The following TNN variants were observed in gnomAD, a reference collection of about 807,000 sequenced individuals.
The protein encoded by TNN is tenascin N, also known as tenascin-N.
Under a neutral mutation model 134.4 loss-of-function variants are expected in TNN, and 122 were observed. That is an observed-to-expected ratio of 0.91 (90% CI 0.78 to 1.06). The LOEUF (loss-of-function observed/expected upper bound fraction) is 1.06, where lower values mean the gene tolerates loss of function less well. Ranked by LOEUF, TNN falls within the 50% of genes least tolerant of loss-of-function variation. The pLI, the probability that TNN is intolerant of heterozygous loss-of-function variation, is 0.00. For synonymous variants in TNN, 710 were observed against 670.3 expected, an observed-to-expected ratio of 1.06 and a Z score of -0.91; for missense variants, 1,739 against 1,699.4, an observed-to-expected ratio of 1.02 and a Z score of -0.41.
intron 17 of TNN, among the ~76,000 whole-genome samples, chr1:175,138,582 G>T (rs1322559924): frequency 1.3e-4 from 20 of 151,998 alleles, no homozygotes; most frequent in Admixed American, 1.2e-3. Flanking sequence ...AGTATGCAAA[G>T]AATTATTTCA....
rs190728792 is a variant in TNN, at chr1:175,135,117, G to T, written c.3331-728G>T. 1.2e-3 allele frequency among the ~76,000 whole-genome samples: 190 copies of T among 152,280 alleles called. 1 individual carries two copies. The highest frequency in any genetic ancestry group is 4.4e-3 in the African/African-American group (183 of 41,550). On this transcript the variant is annotated intron_variant, in intron 15 of 18. Coordinates refer to ENST00000239462, the MANE Select transcript of TNN (RefSeq NM_022093.2). The stretch of plus-strand genomic sequence containing the variant: ...CCTGCAGCTCAGCCATGTCCTGGGG[G>T]TGGTTTCTTGGCTCCTTGGTCAGGT...
At chr1:175,095,600 G>A (rs1012960586) in intron 7 of TNN, among the ~76,000 whole-genome samples, 1 of 152,180 alleles carries the variant, frequency 6.6e-6, no homozygotes, top group African/African-American at 2.4e-5. Context: ...TTGAGACAGA[G>A]TCTCGCTCTC....
chr1:175,119,660 A>T, intron 11 of TNN, among the ~76,000 whole-genome samples: 1 of 126,392 alleles, frequency 7.9e-6, no homozygotes. Context: ...TTTTTGAGAC[A>T]GTCTTGCCCT....
At chr1:175,112,598 C>CTT (rs767531767) in intron 9 of TNN, among the ~76,000 whole-genome samples, 247 of 21,986 alleles carry the variant, frequency 0.011, 115 homozygotes, top group East Asian at 0.022. Flanking sequence ...GCCGGCCGAT[C>CTT]TTTTTTTTTT....
chr1:175,108,413 G>A (rs1674917501), intron 9 of TNN, among the ~76,000 whole-genome samples: 2 of 152,256 alleles, frequency 1.3e-5, no homozygotes, highest in African/African-American at 2.4e-5. Flanking sequence ...ATCCCGCACT[G>A]GGGCTGCAGG....
chr1:175,135,590 A>C (rs542276579), intron 15 of TNN, among the ~76,000 whole-genome samples: 4 of 152,344 alleles, frequency 2.6e-5, no homozygotes, highest in Non-Finnish European at 4.4e-5. Context: ...TAATGGAAAG[A>C]ATTGAAATTT....
intron 1 of TNN, among the ~76,000 whole-genome samples, chr1:175,070,440 C>G (rs543865352): frequency 9.8e-4 from 149 of 152,276 alleles, no homozygotes; most frequent in African/African-American, 3.4e-3. Context: ...GATGGGATGG[C>G]TCTCCAGGAA....
chr1:175,095,532 C>T (rs942695704), intron 7 of TNN, among the ~76,000 whole-genome samples: 27 of 152,116 alleles, frequency 1.8e-4, no homozygotes, highest in South Asian at 4.1e-4. Context: ...TTTTGAGTGT[C>T]GTGAAAAGAA....
At chr1:175,092,031 T>TGGG (rs1674462669) in intron 6 of TNN, among the ~76,000 whole-genome samples, 1 of 152,190 alleles carries the variant, frequency 6.6e-6, no homozygotes, top group Admixed American at 6.6e-5. Context: ...CCTGGGGTTG[T>TGGG]ACAGATGTGG....
Position 175,105,919 on chromosome 1 carries a change from A to G in TNN, c.2119+7324A>G, listed in dbSNP as rs372711387. Among the ~76,000 whole-genome samples, 45 of 145,802 alleles carry G rather than the reference A, an allele frequency of 3.1e-4. 5 individuals carry two copies. The highest frequency in any genetic ancestry group is 2.3e-3 in the South Asian group (10 of 4,318). On this transcript the variant is annotated intron_variant, in intron 9 of 18. Transcript: ENST00000239462. The stretch of plus-strand genomic sequence containing the variant: ...TGCATTCACCAATGCAGCAGCAGAA[A>G]CAACCCCTGCCCAAGAACCTGCAAC...
In TNN at chr1:175,118,669, C is replaced by T. The variant is rs767050328; in HGVS notation, c.2495C>T (p.Thr832Met). The T allele has an allele frequency of 1.2e-5, 20 of 1,614,228 alleles. No individual in the cohort carries two copies. Among genetic ancestry groups the T allele is most frequent in the East Asian group, 1.1e-4 (5 of 44,884 alleles). ...ATIDRYVVHY[T>M]SANGETREVP... Reference sequence around the variant, plus strand: ...ATTGACAGGTATGTGGTGCACTACACGTCTGCCAACGGAGAGACCAGGGAG... The same window carrying T: ...ATTGACAGGTATGTGGTGCACTACATGTCTGCCAACGGAGAGACCAGGGAG... The change falls in exon 11 of 19, where the codon ACG becomes ATG. Residue 832 changes from threonine to methionine, a missense_variant. Thr to Met is a moderately conservative substitution (Grantham distance 81). Coordinates refer to ENST00000239462, the MANE Select transcript of TNN (RefSeq NM_022093.2).
chr1:175,114,975 G>A (rs1383664617), intron 9 of TNN, among the ~76,000 whole-genome samples: 1 of 152,018 alleles, frequency 6.6e-6, no homozygotes, highest in Non-Finnish European at 1.5e-5. Context: ...TTTTTGGGCT[G>A]TACCAGGGCA....
intron 6 of TNN, among the ~76,000 whole-genome samples, chr1:175,087,443 G>C (rs1311760541): frequency 6.6e-6 from 1 of 152,244 alleles, no homozygotes; most frequent in East Asian, 1.9e-4. Flanking sequence ...AGGAAAGGCA[G>C]CTTCTTGCAT....
intron 7 of TNN, among the ~76,000 whole-genome samples, chr1:175,095,065 GTTACT>G (rs1674539257): frequency 6.6e-6 from 1 of 152,198 alleles, no homozygotes; most frequent in Non-Finnish European, 1.5e-5. Flanking sequence ...CTTTGAGCAA[GTTACT>G]TTACTTCCGT....
At chr1:175,108,495 C>G (rs1012913091) in intron 9 of TNN, among the ~76,000 whole-genome samples, 1 of 152,228 alleles carries the variant, frequency 6.6e-6, no homozygotes, top group Non-Finnish European at 1.5e-5. Context: ...GGACTGGGCG[C>G]CGTGGAGCAG....
chr1:175,082,331 TA>T (rs1358644213), intron 4 of TNN, among the ~76,000 whole-genome samples: 1 of 152,238 alleles, frequency 6.6e-6, no homozygotes, highest in Non-Finnish European at 1.5e-5. Context: ...TGATTCAGGT[TA>T]AACACATTCT....
intron 11 of TNN, among the ~76,000 whole-genome samples, chr1:175,121,325 C>A (rs1032909288): frequency 6.6e-6 from 1 of 152,160 alleles, no homozygotes; most frequent in Non-Finnish European, 1.5e-5. Flanking sequence ...TGATGTCCCC[C>A]AGCTGGAATA....
At chr1:175,095,314 T>C (rs1200421553) in intron 7 of TNN, among the ~76,000 whole-genome samples, 1 of 152,208 alleles carries the variant, frequency 6.6e-6, no homozygotes, top group Non-Finnish European at 1.5e-5. Context: ...TATTTTTGGC[T>C]TTGGGGGTCC....
At chr1:175,068,621 G>T (rs1673849953) in intron 1 of TNN, among the ~76,000 whole-genome samples, 1 of 152,130 alleles carries the variant, frequency 6.6e-6, no homozygotes. Context: ...AAAATGATGT[G>T]GTTGGCCGGG....
Sources: allele counts gnomAD v4.1 joint callset (sites outside exome capture counted in the v4.1 genomes callset), GRCh38; gene constraint gnomAD v4.1.1; transcripts MANE v1.5; gene names NCBI Gene and HGNC (gene_info 2026-07-23, HGNC 2026-07-21).